MKRN2: variants seen among roughly 807,000 people sequenced by gnomAD.
The protein encoded by MKRN2 is E3 ubiquitin-protein ligase makorin-2.
In MKRN2, 32 loss-of-function variants were observed where a neutral mutation model predicts 45.4. The ratio of observed to expected loss-of-function variants is 0.70; its 90% CI spans 0.53 to 0.95. The LOEUF is 0.95. MKRN2 is among the 40% of genes least tolerant of loss of function. The pLI is 0.00. For synonymous variants in MKRN2, 206 were observed against 192.4 expected, an observed-to-expected ratio of 1.07 and a Z score of -0.59; for missense variants, 526 against 536.7, an observed-to-expected ratio of 0.98 and a Z score of 0.20.
chr3:12,574,917 T>G lies in MKRN2; in HGVS notation c.768T>G (p.Phe256Leu). 6.2e-7 allele frequency: 1 copy of G among 1,614,222 alleles called. No individual in the cohort carries two copies. The highest frequency in any genetic ancestry group is 8.5e-7 in the Non-Finnish European group (1 of 1,180,024). ...LEKASASERR[F>L]GILSNCNHTY... is the part of the protein sequence containing the mutation. ...AGGCCTCTGCTTCTGAGAGGAGATT[T>G]GGGATTCTCTCCAATTGCAATCACA... is the stretch of plus-strand genomic sequence containing the variant. The change falls in exon 5 of 8, where the codon TTT (phenylalanine) becomes TTG (leucine). Residue 256 changes from phenylalanine (F) to leucine (L), a missense_variant. By Grantham distance (22) the Phe-to-Leu change is conservative. Coordinates refer to ENST00000170447, the MANE Select transcript of MKRN2 (RefSeq NM_014160.5).
At chr3:12,580,655 C>T (rs1255953869) in intron 6 of MKRN2, among the ~76,000 whole-genome samples, 8 of 152,286 alleles carry the variant, frequency 5.3e-5, no homozygotes, top group African/African-American at 9.6e-5. Context: ...GATGGGGTTT[C>T]GCTGTGTTGG....
Position 12,581,898 on chromosome 3 carries a change from G to A in MKRN2, c.1059G>A (p.Arg353=). Residue 353 remains arginine, a synonymous_variant, in exon 7 of 8, where the codon CGG becomes CGA. Coordinates refer to ENST00000170447, the MANE Select transcript of MKRN2 (RefSeq NM_014160.5). ...CLYRHAYPDG[R]LAEPEKPRKQ... is the part of the protein sequence containing the mutation. ...ATCGCCATGCTTACCCCGATGGGCG[G>A]CTAGCAGAGCCTGAGAAACCTCGGA... 1.2e-6 allele frequency: 2 copies of A among 1,614,208 alleles called. No homozygotes were observed. Among genetic ancestry groups the A allele is most frequent in the Admixed American group, 1.7e-5 (1 of 60,026 alleles).
chr3:12,571,791 G>A (rs1372696766), intron 3 of MKRN2, among the ~76,000 whole-genome samples: 1 of 152,108 alleles, frequency 6.6e-6, no homozygotes. Flanking sequence ...AACGGCTTTA[G>A]TGTTCTTTTG....
Position 12,575,003 on chromosome 3 carries a change from TTAAG to T in MKRN2, c.857+4_857+7del. 4 of 1,613,462 alleles carry T rather than the reference TTAAG, an allele frequency of 2.5e-6. No individual in the cohort carries two copies. Among genetic ancestry groups the T allele is most frequent in the African/African-American group, 1.3e-5 (1 of 75,056 alleles). The stretch of plus-strand genomic sequence containing the variant: ...GCCAAACAGTTTGAAAACCCAATCA[TTAAG>T]TAAGTACAGCCAGGGGTCTTAGCTG... On this transcript the variant is annotated splice_donor_variant and coding_sequence_variant, in exon 5 of 8. Transcript: ENST00000170447. LOFTEE classifies it high-confidence loss of function.
At position 12,581,956 on chromosome 3, in the gene MKRN2, A is replaced by T. The variant is rs1162009444; in HGVS notation, c.1113+4A>T. 1 of 1,613,890 alleles carries T rather than the reference A, an allele frequency of 6.2e-7. No individual in the cohort carries two copies. The highest frequency in any genetic ancestry group is 1.1e-5 in the South Asian group (1 of 91,078). On this transcript the variant is annotated splice_donor_region_variant and intron_variant, in intron 7 of 7. Transcript: ENST00000170447. ...CAGTTCTCAAGGCACTGTGAGGGTA[A>T]GGACTTTAGCCATCTCTAGTTGGGG...
chr3:12,569,145 T>G (rs1399637291), intron 2 of MKRN2, 142 bp downstream of exon 2: 2 of 1,073,838 alleles, frequency 1.9e-6, no homozygotes, highest in Admixed American at 3.3e-5. Context: ...TCAGTTTCAG[T>G]ACCCTAAAAC....
intron 2 of MKRN2, among the ~76,000 whole-genome samples, chr3:12,569,834 C>T (rs1466697511): frequency 6.6e-6 from 1 of 152,202 alleles, no homozygotes; most frequent in African/African-American, 2.4e-5. Flanking sequence ...GTCTGTCCCA[C>T]TCAAGTCCCA....
chr3:12,567,361 C>A (rs1277567175), intron 1 of MKRN2, among the ~76,000 whole-genome samples: 1 of 151,552 alleles, frequency 6.6e-6, no homozygotes, highest in African/African-American at 2.4e-5. Flanking sequence ...GCCTTGAACT[C>A]CTGGGTTTAA....
Position 12,557,092 on chromosome 3 carries a change from C to T in MKRN2, c.-59C>T, listed in dbSNP as rs1042378404. 9 of 1,482,758 alleles carry T rather than the reference C, an allele frequency of 6.1e-6. No individual in the cohort carries two copies. The highest frequency in any genetic ancestry group is 8.0e-6 in the Non-Finnish European group (9 of 1,119,320). The allele number at this position is 1,482,758 out of a possible 1,614,324, so 91.9% of individuals were successfully genotyped here. ...GGATGGGCCGGGCCAGGGCCAAGGC[C>T]GAGGCGGCAGCGGCTGCGAGAGGCG... On this transcript the variant is annotated 5_prime_UTR_variant, in exon 1 of 8. Coordinates refer to ENST00000170447, the MANE Select transcript of MKRN2 (RefSeq NM_014160.5).
intron 6 of MKRN2, among the ~76,000 whole-genome samples, chr3:12,580,777 C>G (rs2125308942): frequency 6.6e-6 from 1 of 152,344 alleles, no homozygotes; most frequent in East Asian, 1.9e-4. Flanking sequence ...TTTCTTTATG[C>G]TGCTATGAAG....
chr3:12,569,956 G>A lies in MKRN2; in HGVS notation c.156-115G>A, dbSNP rs533947794. The A allele has an allele frequency of 4.1e-5, 40 of 978,526 alleles. No individual in the cohort carries two copies. In the East Asian group the frequency reaches 9.1e-4, roughly 22 times the overall value. The allele number at this position is 978,526 out of a possible 1,614,324, so 60.6% of individuals were successfully genotyped here. A position where few individuals can be genotyped will look rare whatever the true frequency, so the allele number is the denominator to read the frequency against. On this transcript the variant is annotated intron_variant, in intron 2 of 7. Transcript: ENST00000170447. Reference sequence around the variant, plus strand: ...TAGAGTTTAAATATTGGAAAAGATGGCCGCCTTCTTCACCTCAACAAGTGC... The same window carrying A: ...TAGAGTTTAAATATTGGAAAAGATGACCGCCTTCTTCACCTCAACAAGTGC...
Position 12,582,388 on chromosome 3 carries a change from CTCAT to C in MKRN2, c.*139_*142del. 1.9e-6 allele frequency: 2 copies of C among 1,043,810 alleles called. No homozygotes were observed. The highest frequency in any genetic ancestry group is 2.8e-6 in the Non-Finnish European group (2 of 710,042). The allele number at this position is 1,043,810 out of a possible 1,614,324, so 64.7% of individuals were successfully genotyped here. On this transcript the variant is annotated 3_prime_UTR_variant, in exon 8 of 8. Coordinates refer to ENST00000170447, the MANE Select transcript of MKRN2 (RefSeq NM_014160.5). ...GAGTGGAGTTGGGCTTAGCCTTAGT[CTCAT>C]TCAATCTCCATTATTACAGCCATGG...
intron 6 of MKRN2, among the ~76,000 whole-genome samples, chr3:12,579,258 G>A (rs1170261601): frequency 1.3e-5 from 2 of 152,170 alleles, no homozygotes; most frequent in African/African-American, 2.4e-5. Context: ...TCCGCCTCCA[G>A]GGTTCAAGTG....
intron 6 of MKRN2, among the ~76,000 whole-genome samples, chr3:12,579,246 C>G (rs1225572013): frequency 6.6e-6 from 1 of 152,146 alleles, no homozygotes. Flanking sequence ...CTCACTGCAA[C>G]CTCCGCCTCC....
chr3:12,570,395 G>A lies in MKRN2; in HGVS notation c.337+143G>A, dbSNP rs939684030. ...GTCTGCGCGGAGAGACTTCAGAACT[G>A]TTCTGAAGAGGCTCCATGTGGCTGC... On this transcript the variant is annotated intron_variant, in intron 3 of 7. Coordinates refer to ENST00000170447, the MANE Select transcript of MKRN2 (RefSeq NM_014160.5). 3.0e-5 allele frequency: 23 copies of A among 769,192 alleles called. No homozygotes were observed. In the African/African-American group the frequency reaches 3.5e-4, roughly 12 times the overall value. The allele number at this position is 769,192 out of a possible 1,614,324, so 47.6% of individuals were successfully genotyped here. A position where few individuals can be genotyped will look rare whatever the true frequency, so the allele number is the denominator to read the frequency against.
At chr3:12,563,396 G>GTACCCTTTCTCTGGAGACAC (rs2058050910) in intron 1 of MKRN2, among the ~76,000 whole-genome samples, 1 of 151,664 alleles carries the variant, frequency 6.6e-6, no homozygotes, top group Non-Finnish European at 1.5e-5. Context: ...ATGTTCACTA[G>GTACCCTTTCTCTGGAGACAC]TACCCTTTCT....
rs1433169849 is a variant in MKRN2 at position 12,581,875 on chromosome 3, C to T, written c.1036C>T (p.Arg346Cys). ...TCPFGSKCLY[R>C]HAYPDGRLAE... ...CCCATTTGGAAGCAAATGTCTTTATCGCCATGCTTACCCCGATGGGCGGCT... is the reference window on the plus strand; with the variant it reads ...CCCATTTGGAAGCAAATGTCTTTATTGCCATGCTTACCCCGATGGGCGGCT... The change falls in exon 7 of 8, where the codon CGC becomes TGC. Residue 346 changes from arginine to cysteine, a missense_variant. Transcript: ENST00000170447. 7 of 1,614,144 alleles carry T rather than the reference C, an allele frequency of 4.3e-6. No individual in the cohort carries two copies. Among genetic ancestry groups the T allele is most frequent in the East Asian group, 4.5e-5 (2 of 44,874 alleles).
In MKRN2 at chr3:12,572,393, C is replaced by T. The variant is rs1353723805; in HGVS notation, c.642+20C>T. 2 of 1,530,946 alleles carry T rather than the reference C, an allele frequency of 1.3e-6. No individual in the cohort carries two copies. Among genetic ancestry groups the T allele is most frequent in the Admixed American group, 4.1e-5 (2 of 48,624 alleles). The allele number at this position is 1,530,946 out of a possible 1,614,324, so 94.8% of individuals were successfully genotyped here. On this transcript the variant is annotated intron_variant, in intron 4 of 7. Coordinates refer to ENST00000170447, the MANE Select transcript of MKRN2 (RefSeq NM_014160.5). ...GAAAAGGTAAAGTCACAAACCTTTG[C>T]ATGAACTCATGTTAAGAAATCTGAA...
Position 12,569,400 on chromosome 3 carries a change from T to C in MKRN2, c.155+397T>C, listed in dbSNP as rs1020553607. Among the ~76,000 whole-genome samples, 5 of 151,826 alleles carry C rather than the reference T, an allele frequency of 3.3e-5. No homozygotes were observed. The East Asian group carries it at 9.7e-4, about 29-fold the overall frequency. Reference sequence around the variant, plus strand: ...TGGTCTCTAACTCCTGACCTCGTGATCCTCCCGCCTCAGCTTCCCAAAGTG... The same window carrying C: ...TGGTCTCTAACTCCTGACCTCGTGACCCTCCCGCCTCAGCTTCCCAAAGTG... On this transcript the variant is annotated intron_variant, in intron 2 of 7. Coordinates refer to ENST00000170447, the MANE Select transcript of MKRN2 (RefSeq NM_014160.5).
Sources: allele counts gnomAD v4.1 joint callset (sites outside exome capture counted in the v4.1 genomes callset), GRCh38; gene constraint gnomAD v4.1.1; transcripts MANE v1.5; gene names NCBI Gene and HGNC (gene_info 2026-07-23, HGNC 2026-07-21).